EIPR1: variants seen among roughly 807,000 people sequenced by gnomAD.
EIPR1 encodes EARP and GARP complex-interacting protein 1.
Under a neutral mutation model 48.1 loss-of-function variants are expected in EIPR1, and 25 were observed. That is an observed-to-expected ratio of 0.52 (90% CI 0.38 to 0.73). EIPR1 has a LOEUF of 0.73. EIPR1 is among the 30% of genes least tolerant of loss of function. EIPR1 has a pLI of 0.00. For missense variants in EIPR1, 415 were observed against 506.2 expected, an observed-to-expected ratio of 0.82 and a Z score of 1.73; for synonymous variants, 204 against 201.9, an observed-to-expected ratio of 1.01 and a Z score of -0.09.
chr2:3,312,710 G>A lies in EIPR1; in HGVS notation c.259+25307C>T, dbSNP rs527327767. Among the ~76,000 whole-genome samples, 13 of 152,236 alleles carry A rather than the reference G, an allele frequency of 8.5e-5. 1 individual carries two copies. The South Asian group carries it at 2.7e-3, about 32-fold the overall frequency. ...AAGAGCCTCCACTGGTCCCTTCAAC[G>A]AGATCTTTGGTGCCCCAGGCTTGAG... On this transcript the variant is annotated intron_variant, in intron 3 of 8. Transcript: ENST00000382125. The surrounding 1 kb of genome is among the most constrained non-coding windows in gnomAD (Gnocchi z 5.5).
chr2:3,194,084 T>C lies in EIPR1; in HGVS notation c.736A>G (p.Ser246Gly), dbSNP rs778929701. 2 of 1,613,982 alleles carry C rather than the reference T, an allele frequency of 1.2e-6. No homozygotes were observed. Among genetic ancestry groups the C allele is most frequent in the Non-Finnish European group, 1.7e-6 (2 of 1,180,026 alleles). ...TTCACCTTACAGTCGTCTCCGCAGC[T>C]GGCCAAGTAGTACTGCTTATTGGGA... is the stretch of plus-strand genomic sequence containing the variant. ...FNPNKQYYLA[S>G]CGDDCKVKFW... The change falls in exon 7 of 9, where the codon AGC (serine) becomes GGC (glycine). Residue 246 changes from serine to glycine, a missense_variant. Physicochemically the swap from Ser to Gly is moderately conservative, Grantham distance 56. Coordinates refer to ENST00000382125, the MANE Select transcript of EIPR1 (RefSeq NM_003310.5).
intron 3 of EIPR1, among the ~76,000 whole-genome samples, chr2:3,295,222 G>A (rs1285325705): frequency 0.01 from 564 of 55,006 alleles, no homozygotes; most frequent in Middle Eastern, 0.032. Flanking sequence ...CATCCAGCCC[G>A]TCCTCTCTCC....
chr2:3,349,711 C>G (rs1180526505), intron 2 of EIPR1, among the ~76,000 whole-genome samples: 1 of 150,118 alleles, frequency 6.7e-6, no homozygotes, highest in South Asian at 2.1e-4. Flanking sequence ...GGACAGGGAG[C>G]ATGCTGGGAG....
intron 3 of EIPR1, among the ~76,000 whole-genome samples, chr2:3,277,570 C>T (rs1344140109): frequency 5.3e-5 from 8 of 152,194 alleles, no homozygotes; most frequent in African/African-American, 7.2e-5. Context: ...GGTGAACAAC[C>T]CCAGGCCGTG....
intron 3 of EIPR1, among the ~76,000 whole-genome samples, chr2:3,281,538 G>A (rs1026198920): frequency 6.6e-6 from 1 of 152,080 alleles, no homozygotes; most frequent in African/African-American, 2.4e-5. Flanking sequence ...GAAAAATCTG[G>A]AAATTTAGTC....
intron 3 of EIPR1, among the ~76,000 whole-genome samples, chr2:3,274,587 A>G (rs532945576): frequency 9.6e-4 from 146 of 152,310 alleles, no homozygotes; most frequent in African/African-American, 3.4e-3. Context: ...CTAAGGACAT[A>G]TTTGGAAAAT....
chr2:3,237,538 G>A (rs4854148), intron 4 of EIPR1, among the ~76,000 whole-genome samples: 139,253 of 152,230 alleles, frequency 0.91, 64,172 homozygotes, highest in East Asian at 0.98. Context: ...CTGTACGTCT[G>A]GGGTTCCACA....
intron 4 of EIPR1, among the ~76,000 whole-genome samples, chr2:3,241,705 C>T (rs1666634442): frequency 6.6e-6 from 1 of 152,146 alleles, no homozygotes; most frequent in South Asian, 2.1e-4. Context: ...CCCTTCATTG[C>T]CACTGAGAGG....
At position 3,201,994 on chromosome 2, in the gene EIPR1, T is replaced by G. The variant is rs555104339; in HGVS notation, c.517-4977A>C. On this transcript the variant is annotated intron_variant, in intron 5 of 8. Transcript: ENST00000382125. ...CTCTGCCACCCAGGCTGGAGTGCAG[T>G]GGCGCGATCTCGGCTCACTGCAAGC... Among the ~76,000 whole-genome samples, 90 of 152,320 alleles carry G rather than the reference T, an allele frequency of 5.9e-4. 1 individual carries two copies. In the Middle Eastern group the frequency reaches 0.02, roughly 35 times the overall value.
chr2:3,300,785 C>A (rs995706338), intron 3 of EIPR1: 1 of 152,218 alleles, frequency 6.6e-6, no homozygotes, highest in Non-Finnish European at 1.5e-5. Flanking sequence ...AACCAGCTGT[C>A]GCCCAGGCAT....
At chr2:3,230,990 C>A (rs189809018) in intron 4 of EIPR1, among the ~76,000 whole-genome samples, 2 of 152,182 alleles carry the variant, frequency 1.3e-5, no homozygotes, top group African/African-American at 4.8e-5. Context: ...CACTGAACAT[C>A]TTTCCATTGG....
chr2:3,354,025 C>T (rs1215346526), intron 2 of EIPR1, among the ~76,000 whole-genome samples: 3 of 152,140 alleles, frequency 2.0e-5, no homozygotes, highest in East Asian at 1.9e-4. Flanking sequence ...CTCAAGGTCA[C>T]GTGGTTACTG....
intron 3 of EIPR1, among the ~76,000 whole-genome samples, chr2:3,263,143 C>T (rs1178989509): frequency 6.6e-6 from 1 of 152,230 alleles, no homozygotes; most frequent in Non-Finnish European, 1.5e-5. Context: ...CGGCTACGCT[C>T]AGGAGACGGC....
At chr2:3,325,726 G>A (rs924284975) in intron 3 of EIPR1, among the ~76,000 whole-genome samples, 1 of 152,180 alleles carries the variant, frequency 6.6e-6, no homozygotes. Context: ...TGTTTCACTT[G>A]AGAGATTACC....
intron 5 of EIPR1, among the ~76,000 whole-genome samples, chr2:3,197,633 C>T (rs556244908): frequency 4.6e-4 from 70 of 152,336 alleles, no homozygotes; most frequent in African/African-American, 1.2e-3. Context: ...ATCCCCAGCT[C>T]GTTTCTCTGC....
intron 4 of EIPR1, among the ~76,000 whole-genome samples, chr2:3,252,713 G>A (rs1472028586): frequency 6.6e-6 from 1 of 152,210 alleles, no homozygotes; most frequent in African/African-American, 2.4e-5. Context: ...GTCTAAGTGG[G>A]GCTGGTGATG....
At chr2:3,374,426 A>G (rs1659804050) in intron 1 of EIPR1, among the ~76,000 whole-genome samples, 1 of 151,834 alleles carries the variant, frequency 6.6e-6, no homozygotes, top group South Asian at 2.1e-4. Context: ...AGAAACTACC[A>G]ACAGAGTGAA....
intron 3 of EIPR1, among the ~76,000 whole-genome samples, chr2:3,296,649 C>A (rs1430267933): frequency 1.3e-5 from 2 of 150,546 alleles, no homozygotes; most frequent in African/African-American, 4.9e-5. Context: ...CTCCATCCAG[C>A]CCATCCCGTC....
chr2:3,194,235 G>A, intron 6 of EIPR1, 69 bp from the exon 7 acceptor site: 3 of 1,571,360 alleles, frequency 1.9e-6, no homozygotes, highest in Non-Finnish European at 2.6e-6. Flanking sequence ...CGTGCTGCGG[G>A]CACACACTGG....
Sources: gnomAD v4.1 joint callset for allele counts (sites outside exome capture counted in the v4.1 genomes callset) on GRCh38, gnomAD v4.1.1 for gene constraint, Gnocchi (gnomAD v3.1) non-coding constraint, MANE v1.5 for transcripts, NCBI Gene and HGNC (gene_info 2026-07-23, HGNC 2026-07-21) for gene names.